The following MTRES1 variants were observed in gnomAD, a reference collection of about 807,000 sequenced individuals.
MTRES1 encodes uncharacterized protein C6orf203.
In MTRES1, 11 loss-of-function variants were observed where a neutral mutation model predicts 17.4. That is an observed-to-expected ratio of 0.63 (90% CI 0.40 to 1.05). The LOEUF (loss-of-function observed/expected upper bound fraction) is 1.05, where lower values mean the gene tolerates loss of function less well. Ranked by LOEUF, MTRES1 falls within the 50% of genes least tolerant of loss-of-function variation. The pLI is 0.00. For synonymous variants in MTRES1, 94 were observed against 99.6 expected (o/e 0.94, Z 0.34); for missense variants, 268 against 276.2 (o/e 0.97, Z 0.21).
At chr6:107,050,740 C>T (rs1485102354) in intron 3 of MTRES1, among the ~76,000 whole-genome samples, 1 of 151,912 alleles carries the variant, frequency 6.6e-6, no homozygotes, top group Non-Finnish European at 1.5e-5. Context: ...CCACACACAG[C>T]TAATTTTTTT....
At chr6:107,043,556 AAAGT>A (rs1226588214) in intron 2 of MTRES1, among the ~76,000 whole-genome samples, 1 of 151,372 alleles carries the variant, frequency 6.6e-6, no homozygotes, top group East Asian at 2.0e-4. Flanking sequence ...CAGTTACAAT[AAAGT>A]AAGCTAGAGA....
At chr6:107,032,250 A>G (rs1169897672) in intron 1 of MTRES1, among the ~76,000 whole-genome samples, 1 of 152,148 alleles carries the variant, frequency 6.6e-6, no homozygotes, top group Non-Finnish European at 1.5e-5. Flanking sequence ...ACGTTGATTC[A>G]TTTCCTCACA....
intron 2 of MTRES1, among the ~76,000 whole-genome samples, chr6:107,043,596 TAAGG>T (rs10531599): frequency 0.51 from 77,702 of 151,456 alleles, 20,628 homozygotes; most frequent in Non-Finnish European, 0.57. Context: ...AAGAAAATCA[TAAGG>T]AAGTGAAAAT....
In MTRES1 at chr6:107,039,808, A is replaced by G; in HGVS notation, c.48A>G (p.Pro16=). ...TGCTTGCCGGTGTTTTAAGAAAGCC[A>G]GATGCCTGGATTGGACTCTGGGGTG... ...VKLLAGVLRK[P]DAWIGLWGVL... is the part of the protein sequence containing the mutation. The change falls in exon 2 of 4, where the codon CCA becomes CCG. Residue 16 remains proline, a synonymous_variant. Coordinates refer to ENST00000311381, the MANE Select transcript of MTRES1 (RefSeq NM_016487.5). 2 of 1,612,252 alleles carry G rather than the reference A, an allele frequency of 1.2e-6. No individual in the cohort carries two copies. The highest frequency in any genetic ancestry group is 1.7e-6 in the Non-Finnish European group (2 of 1,179,652).
chr6:107,029,925 C>G (rs535172341), intron 1 of MTRES1: 1 of 627,610 alleles, frequency 1.6e-6, no homozygotes, highest in African/African-American at 1.8e-5. Flanking sequence ...CTCTCAATCC[C>G]CCTTACCCTG....
At chr6:107,029,190 T>G (rs1364355794) in intron 1 of MTRES1, among the ~76,000 whole-genome samples, 1 of 133,396 alleles carries the variant, frequency 7.5e-6, no homozygotes, top group Non-Finnish European at 1.6e-5. Flanking sequence ...CACACCCGGC[T>G]ATTTTTTTTT....
At chr6:107,048,204 G>A (rs1190536643) in intron 3 of MTRES1, among the ~76,000 whole-genome samples, 10 of 151,886 alleles carry the variant, frequency 6.6e-5, no homozygotes, top group East Asian at 5.9e-4. Flanking sequence ...GCACGATCTC[G>A]GCTCACTGCA....
chr6:107,047,532 C>G (rs1554228567), intron 3 of MTRES1, among the ~76,000 whole-genome samples: 1 of 152,022 alleles, frequency 6.6e-6, no homozygotes, highest in African/African-American at 2.4e-5. Flanking sequence ...TACACCTTTT[C>G]TTTGTCTACC....
chr6:107,049,370 A>AAGC (rs1774508270), intron 3 of MTRES1, among the ~76,000 whole-genome samples: 1 of 150,908 alleles, frequency 6.6e-6, no homozygotes, highest in Non-Finnish European at 1.5e-5. Flanking sequence ...GTTTTAGTAG[A>AAGC]AGCAGCAGCA....
chr6:107,048,911 T>C (rs1411036495), intron 3 of MTRES1, among the ~76,000 whole-genome samples: 1 of 150,992 alleles, frequency 6.6e-6, no homozygotes, highest in Non-Finnish European at 1.5e-5. Context: ...TGACAATAGC[T>C]GTGGTATGAG....
Position 107,040,176 on chromosome 6 carries a change from T to C in MTRES1, c.416T>C (p.Val139Ala). 6.2e-7 allele frequency: 1 copy of C among 1,610,494 alleles called. No homozygotes were observed. Among genetic ancestry groups the C allele is most frequent in the Non-Finnish European group, 8.5e-7 (1 of 1,179,224 alleles). ...VKNYKDLEKA[V>A]QSFRYDVVLK... ...AACTATAAAGACCTGGAAAAAGCAG[T>C]TCAGTCTTTTCGGTATGATGTTGTC... The change falls in exon 2 of 4, where the codon GTT (valine) becomes GCT (alanine). Residue 139 changes from valine to alanine, a missense_variant. Coordinates refer to ENST00000311381, the MANE Select transcript of MTRES1 (RefSeq NM_016487.5).
intron 2 of MTRES1, among the ~76,000 whole-genome samples, chr6:107,041,812 C>T (rs1339720350): frequency 6.6e-5 from 10 of 151,908 alleles, no homozygotes; most frequent in African/African-American, 2.4e-4. Context: ...CAGGCGTGAG[C>T]CACCGCGCCT....
Position 107,039,963 on chromosome 6 carries a change from CA to C in MTRES1, c.204del (p.Leu70PhefsTer13). The part of the protein sequence containing the change: ...LFYNIFSLRL[P>X]GLLLSPECIF... The stretch of plus-strand genomic sequence containing the variant: ...TATAATATTTTCTCACTGAGACTCC[CA>C]GGGCTTTTACTATCTCCAGAATGTA... On this transcript the variant is annotated frameshift_variant, in exon 2 of 4. Coordinates refer to ENST00000311381, the MANE Select transcript of MTRES1 (RefSeq NM_016487.5). LOFTEE classifies it high-confidence loss of function. The C allele has an allele frequency of 6.2e-7, 1 of 1,613,920 alleles. No individual in the cohort carries two copies. The highest frequency in any genetic ancestry group is 1.6e-4 in the Middle Eastern group (1 of 6,062).
At chr6:107,042,575 C>T (rs76287993) in intron 2 of MTRES1, among the ~76,000 whole-genome samples, 32 of 152,278 alleles carry the variant, frequency 2.1e-4, no homozygotes, top group African/African-American at 6.0e-4. Context: ...CTTCCTCCCC[C>T]GGTCTGGTTG....
At chr6:107,041,111 A>G (rs1774195218) in intron 2 of MTRES1, among the ~76,000 whole-genome samples, 1 of 149,764 alleles carries the variant, frequency 6.7e-6, no homozygotes, top group South Asian at 2.1e-4. Flanking sequence ...CTGTAGTCCC[A>G]GCTACTCGGA....
At chr6:107,050,943 C>T (rs1774582151) in intron 3 of MTRES1, 114 bp from the exon 4 acceptor site, 2 of 839,588 alleles carry the variant, frequency 2.4e-6, no homozygotes, top group African/African-American at 1.7e-5. Context: ...GGCCTTTACT[C>T]ACCTGCCCCT....
chr6:107,033,584 T>C (rs555127349), intron 1 of MTRES1, among the ~76,000 whole-genome samples: 7 of 152,016 alleles, frequency 4.6e-5, no homozygotes, highest in Non-Finnish European at 8.8e-5. Flanking sequence ...TTTGGGAGGC[T>C]GAGCTGGGCA....
intron 2 of MTRES1, among the ~76,000 whole-genome samples, chr6:107,043,580 GTTA>G (rs71715719): frequency 0.091 from 12,626 of 138,900 alleles, 803 homozygotes; most frequent in East Asian, 0.37. Context: ...AAAAGAAAAT[GTTA>G]TTAAGAAAAT....
intron 3 of MTRES1, among the ~76,000 whole-genome samples, chr6:107,050,443 A>G (rs553206001): frequency 3.3e-5 from 5 of 150,362 alleles, no homozygotes; most frequent in Middle Eastern, 3.5e-3. Flanking sequence ...AGATGTGAGT[A>G]TTTGAGCTAC....
Sources: gnomAD v4.1 joint callset for allele counts (sites outside exome capture counted in the v4.1 genomes callset) on GRCh38, gnomAD v4.1.1 for gene constraint, MANE v1.5 for transcripts, NCBI Gene and HGNC (gene_info 2026-07-23, HGNC 2026-07-21) for gene names.